The following POU3F3 variants were observed in gnomAD, a reference collection of about 807,000 sequenced individuals.
POU3F3 encodes POU class 3 homeobox 3.
Under a neutral mutation model 8.6 loss-of-function variants are expected in POU3F3, and 1 was observed. That is an observed-to-expected ratio of 0.12 (90% confidence interval 0.04 to 0.55). POU3F3 has a LOEUF of 0.55. Among genes scored for constraint, POU3F3 ranks in the 20% least tolerant of loss-of-function variants. The pLI, the probability that POU3F3 is intolerant of heterozygous loss-of-function variation, is 0.91. For synonymous variants in POU3F3, 418 were observed against 327.4 expected (o/e 1.28, Z -2.99); for missense variants, 577 against 690.7 (o/e 0.84, Z 1.84).
chr2:104,869,327 A>T, the POU3F3 span, among the ~76,000 whole-genome samples: 1 of 152,194 alleles, frequency 6.6e-6, no homozygotes, highest in Non-Finnish European at 1.5e-5. Context: ...CTAGGAGGGG[A>T]TAGGTTTTGT....
the POU3F3 span, among the ~76,000 whole-genome samples, chr2:104,924,795 C>T: frequency 6.6e-6 from 1 of 152,124 alleles, no homozygotes; most frequent in Non-Finnish European, 1.5e-5. Context: ...GAAATGCAAC[C>T]TCTGCTGGCT....
the POU3F3 span, among the ~76,000 whole-genome samples, chr2:104,884,081 C>T: frequency 6.6e-6 from 1 of 152,122 alleles, no homozygotes; most frequent in Non-Finnish European, 1.5e-5. Context: ...AGACCATGCT[C>T]ATTAAGTTAG....
At position 104,856,037 on chromosome 2, in the gene POU3F3, C is replaced by T. The variant is rs1159508144; in HGVS notation, c.527C>T (p.Pro176Leu). The change falls in exon 1 of 1, where the codon CCG becomes CTG. Residue 176 changes from proline (P) to leucine (L), a missense_variant. Pro to Leu is a moderately conservative substitution (Grantham distance 98, BLOSUM62 -3). Coordinates refer to ENST00000361360, the MANE Select transcript of POU3F3 (RefSeq NM_006236.3). ...GGGCCGCCGCACCTCGGACCCCCGC[C>T]GCCGCCCCCACACCAGGGCCACCCT... ...HRGPPHLGPPPPPPHQGHPGG... is the reference protein window; with the variant it reads ...HRGPPHLGPPLPPPHQGHPGG... 1.6e-5 allele frequency: 16 copies of T among 985,628 alleles called. No homozygotes were observed. Among genetic ancestry groups the T allele is most frequent in the Non-Finnish European group, 6.0e-6 (5 of 833,522 alleles). 61.1% of individuals were successfully genotyped at this position (985,628 alleles called of 1,614,324 possible). A position where few individuals can be genotyped will look rare whatever the true frequency, so the allele number is the denominator to read the frequency against.
chr2:104,894,926 T>C, the POU3F3 span, among the ~76,000 whole-genome samples: 1 of 152,172 alleles, frequency 6.6e-6, no homozygotes, highest in Non-Finnish European at 1.5e-5. Flanking sequence ...TCTCTTTTTT[T>C]TCTGTGCATG....
chr2:104,906,620 C>G, the POU3F3 span, among the ~76,000 whole-genome samples: 1 of 152,190 alleles, frequency 6.6e-6, no homozygotes, highest in Non-Finnish European at 1.5e-5. Flanking sequence ...TTCAACCTGT[C>G]GATATCTGCC....
At chr2:104,891,707 C>T in the POU3F3 span, among the ~76,000 whole-genome samples, 1 of 152,278 alleles carries the variant, frequency 6.6e-6, no homozygotes, top group Non-Finnish European at 1.5e-5. Context: ...CACGGAATTT[C>T]TGTTCATAGT....
At chr2:104,913,880 G>GAA in the POU3F3 span, among the ~76,000 whole-genome samples, 214 of 148,502 alleles carry the variant, frequency 1.4e-3, 2 homozygotes, top group African/African-American at 4.6e-3. Context: ...TCATTAAAAC[G>GAA]AAAAAAAAAA....
Position 104,856,217 on chromosome 2 carries a change from C to T in POU3F3, c.707C>T (p.Ala236Val), listed in dbSNP as rs964654881. ...GGFTVNGMLSAPPGPGGGGGG... is the reference protein window; with the variant it reads ...GGFTVNGMLSVPPGPGGGGGG... ...TTCACGGTGAACGGCATGCTGAGCG[C>T]GCCACCGGGGCCCGGCGGCGGCGGC... Residue 236 changes from alanine (A) to valine (V), a missense_variant, in exon 1 of 1, where the codon GCG becomes GTG. By Grantham distance (64) the Ala-to-Val change is moderately conservative (BLOSUM62 0). This residue lies in a region of POU3F3 where 484 missense variants were observed against 422.6 expected (regional missense o/e 1.15). Transcript: ENST00000361360. 2 of 1,267,754 alleles carry T rather than the reference C, an allele frequency of 1.6e-6. No individual in the cohort carries two copies. Among genetic ancestry groups the T allele is most frequent in the Non-Finnish European group, 2.0e-6 (2 of 1,015,310 alleles). 78.5% of individuals were successfully genotyped at this position (1,267,754 alleles called of 1,614,324 possible).
the POU3F3 span, among the ~76,000 whole-genome samples, chr2:104,918,925 G>A: frequency 6.7e-6 from 1 of 150,222 alleles, no homozygotes; most frequent in Non-Finnish European, 1.5e-5. Flanking sequence ...AGGCTGGAGT[G>A]CAATGGCATG....
In POU3F3 at chr2:104,856,189, G is replaced by A; in HGVS notation, c.679G>A (p.Gly227Ser). The change falls in exon 1 of 1, where the codon GGC (glycine) becomes AGC (serine). Residue 227 changes from glycine to serine, a missense_variant. By Grantham distance (56) the Gly-to-Ser change is moderately conservative. This residue lies in a region of POU3F3 where 484 missense variants were observed against 422.6 expected (regional missense o/e 1.15). Transcript: ENST00000361360. ...PQSLLYSQPG[G>S]FTVNGMLSAP... ...GAGTCTGCTCTACTCGCAGCCCGGA[G>A]GCTTCACGGTGAACGGCATGCTGAG... 7.9e-7 allele frequency: 1 copy of A among 1,267,678 alleles called. No homozygotes were observed. Among genetic ancestry groups the A allele is most frequent in the Non-Finnish European group, 9.9e-7 (1 of 1,012,768 alleles). The allele number at this position is 1,267,678 out of a possible 1,614,324, so 78.5% of individuals were successfully genotyped here.
At chr2:104,895,258 T>A in the POU3F3 span, among the ~76,000 whole-genome samples, 1 of 152,218 alleles carries the variant, frequency 6.6e-6, no homozygotes, top group African/African-American at 2.4e-5. Context: ...AGGGTATTTT[T>A]TCTTTTTAAA....
At chr2:104,886,649 T>A in the POU3F3 span, among the ~76,000 whole-genome samples, 9 of 152,210 alleles carry the variant, frequency 5.9e-5, no homozygotes, top group South Asian at 1.0e-3. Flanking sequence ...GGCTCACACC[T>A]GTAATCCCAG....
At chr2:104,863,863 TTGTC>T in the POU3F3 span, among the ~76,000 whole-genome samples, 1 of 152,156 alleles carries the variant, frequency 6.6e-6, no homozygotes, top group African/African-American at 2.4e-5. Flanking sequence ...GCAGGGCTCA[TTGTC>T]TGGGAAGACA....
chr2:104,855,022 AGGAGGAGGAGC>A lies in POU3F3; in HGVS notation c.-486_-476del. On this transcript the variant is annotated 5_prime_UTR_variant, in exon 1 of 1. Coordinates refer to ENST00000361360, the MANE Select transcript of POU3F3 (RefSeq NM_006236.3). ...GCAGAGTCCGGGCTCGCCCGAGGACAGGAGGAGGAGCGGGAGCCCGCGCGTCCCGGGAGAGC... is the reference window on the plus strand; with the variant it reads ...GCAGAGTCCGGGCTCGCCCGAGGACAGGGAGCCCGCGCGTCCCGGGAGAGC... Among the ~76,000 whole-genome samples, 1 of 152,078 alleles carries A rather than the reference AGGAGGAGGAGC, an allele frequency of 6.6e-6. No homozygotes were observed. The highest frequency in any genetic ancestry group is 2.1e-4 in the South Asian group (1 of 4,828).
the POU3F3 span, among the ~76,000 whole-genome samples, chr2:104,893,260 G>T: frequency 6.6e-6 from 1 of 152,220 alleles, no homozygotes; most frequent in South Asian, 2.1e-4. Flanking sequence ...CGATGGTGAG[G>T]ATGGTCCCCA....
At chr2:104,908,514 C>T in the POU3F3 span, among the ~76,000 whole-genome samples, 1 of 152,140 alleles carries the variant, frequency 6.6e-6, no homozygotes, top group Admixed American at 6.5e-5. Flanking sequence ...ACCACCTTGT[C>T]CAAGGAGAAA....
chr2:104,875,105 T>C, the POU3F3 span, among the ~76,000 whole-genome samples: 1 of 152,244 alleles, frequency 6.6e-6, no homozygotes, highest in African/African-American at 2.4e-5. Flanking sequence ...CATCTTTTTG[T>C]GACTGGCTTC....
chr2:104,856,830 C>T lies in POU3F3; in HGVS notation c.1320C>T (p.Ala440=). 6.2e-7 allele frequency: 1 copy of T among 1,614,116 alleles called. No homozygotes were observed. The highest frequency in any genetic ancestry group is 8.5e-7 in the Non-Finnish European group (1 of 1,180,020). ...CCGCGCAGGAGATCACCAACCTGGC[C>T]GACAGCCTGCAGCTCGAGAAGGAGG... ...KPSAQEITNL[A]DSLQLEKEVV... is the part of the protein sequence containing the mutation. The change falls in exon 1 of 1, where the codon GCC becomes GCT. Residue 440 remains alanine, a synonymous_variant. Transcript: ENST00000361360.
At chr2:104,860,386 C>T (rs1676640041), downstream of POU3F3, among the ~76,000 whole-genome samples, 1 of 152,138 alleles carries the variant, frequency 6.6e-6, no homozygotes, top group African/African-American at 2.4e-5. Flanking sequence ...AGGTTTTGTG[C>T]TAAGGCTTAT....
Sources: allele counts gnomAD v4.1 joint callset (sites outside exome capture counted in the v4.1 genomes callset), GRCh38; gene constraint gnomAD v4.1.1; regional missense constraint gnomAD v4.1.1; transcripts MANE v1.5; gene names NCBI Gene and HGNC (gene_info 2026-07-23, HGNC 2026-07-21).